The following NUDCD3 variants were observed in gnomAD, a reference collection of about 807,000 sequenced individuals.
NUDCD3 encodes the protein NudC domain containing 3, also known as nudC domain-containing protein 3.
NUDCD3 carries 13 observed loss-of-function variants against 39.7 expected under a neutral mutation model. The ratio of observed to expected loss-of-function variants is 0.33; its 90% CI spans 0.21 to 0.52. The LOEUF is 0.52. NUDCD3 is among the 20% of genes least tolerant of loss of function. The pLI is 0.96. For synonymous variants in NUDCD3, 175 were observed against 172.4 expected (o/e 1.02, Z -0.12); for missense variants, 453 against 458.1 (o/e 0.99, Z 0.10).
At chr7:44,458,033 T>C (rs991000162) in intron 2 of NUDCD3, among the ~76,000 whole-genome samples, 1 of 152,206 alleles carries the variant, frequency 6.6e-6, no homozygotes, top group African/African-American at 2.4e-5. Context: ...TGTATACAAA[T>C]GTTCATAGCA....
chr7:44,446,631 T>C (rs1799694430), intron 2 of NUDCD3, among the ~76,000 whole-genome samples: 1 of 152,192 alleles, frequency 6.6e-6, no homozygotes, highest in African/African-American at 2.4e-5. Flanking sequence ...GTCCTTCCAA[T>C]GCCCAGGGTG....
chr7:44,481,582 A>C (rs553411975), intron 2 of NUDCD3: 1 of 152,280 alleles, frequency 6.6e-6, no homozygotes, highest in Non-Finnish European at 1.5e-5. Context: ...TAACTTAGCC[A>C]AACTGACAAA....
intron 3 of NUDCD3, among the ~76,000 whole-genome samples, chr7:44,415,739 C>T (rs1315334615): frequency 6.6e-6 from 1 of 152,218 alleles, no homozygotes; most frequent in Non-Finnish European, 1.5e-5. Flanking sequence ...CTATCCACAG[C>T]CCCAACACAA....
At position 44,404,514 on chromosome 7, in the gene NUDCD3, T is replaced by C. The variant is rs1798780298; in HGVS notation, c.712A>G (p.Met238Val). The change falls in exon 4 of 6, where the codon ATG (methionine) becomes GTG (valine). Residue 238 changes from methionine to valine, a missense_variant. Physicochemically the swap from Met to Val is conservative, Grantham distance 21 (BLOSUM62 1). Coordinates refer to ENST00000355451, the MANE Select transcript of NUDCD3 (RefSeq NM_015332.4). Reference sequence around the variant, plus strand: ...ATCTTGTGGGTGAGCTTCCCTTCCATGAGGACGCGCTCCCCATTTTCCTCC... The same window carrying C: ...ATCTTGTGGGTGAGCTTCCCTTCCACGAGGACGCGCTCCCCATTTTCCTCC... ...MLEENGERVL[M>V]EGKLTHKINT... The C allele has an allele frequency of 2.5e-6, 4 of 1,610,770 alleles. No homozygotes were observed. The highest frequency in any genetic ancestry group is 3.4e-6 in the Non-Finnish European group (4 of 1,178,670).
intron 5 of NUDCD3, among the ~76,000 whole-genome samples, chr7:44,389,326 G>T (rs748310581): frequency 2.0e-5 from 3 of 152,216 alleles, no homozygotes; most frequent in Non-Finnish European, 4.4e-5. Flanking sequence ...GGCTTACCTG[G>T]AATGAACAGA....
Position 44,381,390 on chromosome 7 carries a change from A to T in NUDCD3, c.*4621T>A, listed in dbSNP as rs1798302944. 6.6e-6 allele frequency: 1 copy of T among 152,396 alleles called. No individual in the cohort carries two copies. The highest frequency in any genetic ancestry group is 1.5e-5 in the Non-Finnish European group (1 of 68,208). The allele number at this position is 152,396 out of a possible 1,614,324, so 9.4% of individuals were successfully genotyped here. Reference sequence around the variant, plus strand: ...AGCGCAAAGTGACTGGGCTCAGGTGAAGGAGCTGTTGGCTTATGAGGAGGC... The same window carrying T: ...AGCGCAAAGTGACTGGGCTCAGGTGTAGGAGCTGTTGGCTTATGAGGAGGC... On this transcript the variant is annotated 3_prime_UTR_variant, in exon 6 of 6. Coordinates refer to ENST00000355451, the MANE Select transcript of NUDCD3 (RefSeq NM_015332.4).
chr7:44,473,103 T>A (rs890109166), intron 2 of NUDCD3, among the ~76,000 whole-genome samples: 51 of 152,228 alleles, frequency 3.4e-4, no homozygotes, highest in African/African-American at 1.2e-3. Flanking sequence ...AATAATAAGA[T>A]CTACACAGCA....
In NUDCD3 at chr7:44,463,446, G is replaced by A. The variant is rs571340549; in HGVS notation, c.509+21522C>T. Among the ~76,000 whole-genome samples, 20 of 152,280 alleles carry A rather than the reference G, an allele frequency of 1.3e-4. No individual in the cohort carries two copies. The South Asian group carries it at 4.1e-3, about 32-fold the overall frequency. On this transcript the variant is annotated intron_variant, in intron 2 of 5. Transcript: ENST00000355451. ...GTCTAGAGACCAACTTTGGAAAACT[G>A]ATGCAGCATCCAGACAGGCTAACAG... is the stretch of plus-strand genomic sequence containing the variant.
chr7:44,446,628 C>T (rs923613167), intron 2 of NUDCD3, among the ~76,000 whole-genome samples: 1 of 152,188 alleles, frequency 6.6e-6, no homozygotes, highest in Non-Finnish European at 1.5e-5. Flanking sequence ...CAGGTCCTTC[C>T]AATGCCCAGG....
Position 44,427,556 on chromosome 7 carries a change from C to A in NUDCD3, c.642+15G>T. The A allele has an allele frequency of 6.2e-7, 1 of 1,609,284 alleles. No individual in the cohort carries two copies. The highest frequency in any genetic ancestry group is 1.1e-5 in the South Asian group (1 of 90,358). On this transcript the variant is annotated intron_variant, in intron 3 of 5. Transcript: ENST00000355451. The stretch of plus-strand genomic sequence containing the variant: ...TTGGGTGAAGCCGCCCACCCCTACC[C>A]GCCAAGGCCATTACCTGCTTTCCCT...
chr7:44,460,099 A>C (rs1226852610), intron 2 of NUDCD3, among the ~76,000 whole-genome samples: 1 of 152,244 alleles, frequency 6.6e-6, no homozygotes, highest in Non-Finnish European at 1.5e-5. Context: ...CATAAAGAAA[A>C]TCACTGAAGG....
intron 2 of NUDCD3, chr7:44,467,817 T>TAAA: frequency 4.4e-5 from 38 of 863,614 alleles, no homozygotes; most frequent in Non-Finnish European, 4.5e-5. Context: ...AAGACCTCAG[T>TAAA]AAAAAAAAAA....
At chr7:44,455,797 C>A (rs1366016692) in intron 2 of NUDCD3, among the ~76,000 whole-genome samples, 1 of 151,778 alleles carries the variant, frequency 6.6e-6, no homozygotes, top group African/African-American at 2.4e-5. Context: ...GAGGCCGAGG[C>A]GGGCGGATCA....
chr7:44,460,240 A>C (rs1423971434), intron 2 of NUDCD3, among the ~76,000 whole-genome samples: 1 of 152,256 alleles, frequency 6.6e-6, no homozygotes, highest in South Asian at 2.1e-4. Context: ...TCAATGAGTA[A>C]GTGGAGTTAA....
At position 44,404,428 on chromosome 7, in the gene NUDCD3, G is replaced by A; in HGVS notation, c.786+12C>T. ...CCACCTGGGAGCCCTACACACAGGT[G>A]CCCAAACTTACCAAAACGCACTTCC... On this transcript the variant is annotated intron_variant, in intron 4 of 5. Transcript: ENST00000355451. 1 of 1,612,940 alleles carries A rather than the reference G, an allele frequency of 6.2e-7. No individual in the cohort carries two copies. The highest frequency in any genetic ancestry group is 8.5e-7 in the Non-Finnish European group (1 of 1,179,396).
chr7:44,396,090 TG>T (rs1798619508), intron 4 of NUDCD3, among the ~76,000 whole-genome samples: 1 of 62,250 alleles, frequency 1.6e-5, no homozygotes, highest in Non-Finnish European at 3.8e-5. Flanking sequence ...TCTTCTGTTG[TG>T]TGTGTGTGTG....
chr7:44,467,127 C>T (rs920071552), intron 2 of NUDCD3, among the ~76,000 whole-genome samples: 14 of 152,300 alleles, frequency 9.2e-5, no homozygotes, highest in Middle Eastern at 3.4e-3. Flanking sequence ...GAGTGTGCTG[C>T]TATTACAGGG....
Position 44,379,445 on chromosome 7 carries a change from T to C in NUDCD3, c.*6566A>G, listed in dbSNP as rs1213426102. 1 of 151,902 alleles carries C rather than the reference T, an allele frequency of 6.6e-6. No homozygotes were observed. Among genetic ancestry groups the C allele is most frequent in the Non-Finnish European group, 1.5e-5 (1 of 68,028 alleles). 9.4% of individuals were successfully genotyped at this position (151,902 alleles called of 1,614,324 possible). On this transcript the variant is annotated 3_prime_UTR_variant, in exon 6 of 6. Transcript: ENST00000355451. Reference sequence around the variant, plus strand: ...GTCCTAGCTGCTCTGAAGTCGTGAGTGGGGACAGCAGAGCCTGTTCAGGAG... The same window carrying C: ...GTCCTAGCTGCTCTGAAGTCGTGAGCGGGGACAGCAGAGCCTGTTCAGGAG...
At chr7:44,452,527 A>C (rs1291719109) in intron 2 of NUDCD3, among the ~76,000 whole-genome samples, 2 of 152,178 alleles carry the variant, frequency 1.3e-5, no homozygotes, top group African/African-American at 4.8e-5. Flanking sequence ...ATCTCACAGG[A>C]GCTTCTTCCT....
Sources: allele counts gnomAD v4.1 joint callset (sites outside exome capture counted in the v4.1 genomes callset), GRCh38; gene constraint gnomAD v4.1.1; transcripts MANE v1.5; gene names NCBI Gene and HGNC (gene_info 2026-07-23, HGNC 2026-07-21).